Variants in CSMD1 observed in about 807,000 individuals in gnomAD.
CSMD1 encodes CUB and Sushi multiple domains 1, also known as CUB and sushi domain-containing protein 1.
Under a neutral mutation model 417.5 loss-of-function variants are expected in CSMD1, and 213 were observed. That is an observed-to-expected ratio of 0.51 (90% CI 0.46 to 0.57). The LOEUF is 0.57. Ranked by LOEUF, CSMD1 falls within the 20% of genes least tolerant of loss-of-function variation. CSMD1 has a pLI of 0.00. For synonymous variants in CSMD1, 2,862 were observed against 1,736.8 expected (o/e 1.65, Z -16.11); for missense variants, 6,923 against 4,529.7 (o/e 1.53, Z -15.17).
At chr8:4,620,619 G>A (rs763055975) in intron 2 of CSMD1, among the ~76,000 whole-genome samples, 13 of 151,760 alleles carry the variant, frequency 8.6e-5, no homozygotes, top group African/African-American at 1.9e-4. Flanking sequence ...TGCTTGAAAA[G>A]CCCAAATATA....
chr8:4,163,400 T>A (rs1310764598), intron 3 of CSMD1, among the ~76,000 whole-genome samples: 3 of 152,186 alleles, frequency 2.0e-5, no homozygotes, highest in Non-Finnish European at 4.4e-5. Context: ...CAATCTACAT[T>A]GTTGGTGTTA....
At chr8:4,341,813 T>A (rs1800493812) in intron 3 of CSMD1, among the ~76,000 whole-genome samples, 4 of 152,120 alleles carry the variant, frequency 2.6e-5, no homozygotes, top group Admixed American at 2.6e-4. Context: ...TCACATGACT[T>A]AACGAGCACA....
chr8:3,719,763 G>A (rs1279425619), intron 6 of CSMD1, among the ~76,000 whole-genome samples: 2 of 152,126 alleles, frequency 1.3e-5, no homozygotes, highest in Non-Finnish European at 2.9e-5. Context: ...CATTCCTCCT[G>A]TGTGGAAGGC....
In CSMD1 at chr8:4,829,559, T is replaced by C. The variant is rs111940193; in HGVS notation, c.85+164773A>G. Reference sequence around the variant, plus strand: ...GAGTTCAAGAGCAGTCTGGGCAACATGGCAACCTCATCTTTATAGAAAATT... The same window carrying C: ...GAGTTCAAGAGCAGTCTGGGCAACACGGCAACCTCATCTTTATAGAAAATT... On this transcript the variant is annotated intron_variant, in intron 1 of 69. Transcript: ENST00000635120. 5.4e-3 allele frequency among the ~76,000 whole-genome samples: 822 copies of C among 152,072 alleles called. 3 individuals are homozygous for C. The highest frequency in any genetic ancestry group is 8.7e-3 in the Non-Finnish European group (588 of 67,976).
chr8:4,735,697 ATCT>A lies in CSMD1; in HGVS notation c.86-98142_86-98140del, dbSNP rs567667086. 1.7e-4 allele frequency among the ~76,000 whole-genome samples: 26 copies of A among 152,276 alleles called. 1 individual carries two copies. The East Asian group carries it at 2.9e-3, about 17-fold the overall frequency. On this transcript the variant is annotated intron_variant, in intron 1 of 69. Transcript: ENST00000635120. Reference sequence around the variant, plus strand: ...CCAGACACTTATTTGAACACTTGACATCTTCTTGCTTTTATCTCCCTAATATCT... The same window carrying A: ...CCAGACACTTATTTGAACACTTGACATCTTGCTTTTATCTCCCTAATATCT...
chr8:2,955,149 A>G (rs963565095), intron 64 of CSMD1, among the ~76,000 whole-genome samples: 1 of 152,254 alleles, frequency 6.6e-6, no homozygotes, highest in African/African-American at 2.4e-5. Context: ...AGGTTTTACC[A>G]CAAACAGCAT....
At chr8:4,227,546 G>T (rs1055560688) in intron 3 of CSMD1, among the ~76,000 whole-genome samples, 3 of 152,046 alleles carry the variant, frequency 2.0e-5, no homozygotes, top group Non-Finnish European at 2.9e-5. Context: ...AGAAGCAGGG[G>T]TGCCAGGAAG....
chr8:4,253,106 A>G lies in CSMD1; in HGVS notation c.415+166847T>C, dbSNP rs142507104. 5.2e-3 allele frequency among the ~76,000 whole-genome samples: 796 copies of G among 152,370 alleles called. 5 individuals carry two copies. Among genetic ancestry groups the G allele is most frequent in the Non-Finnish European group, 6.9e-3 (470 of 68,034 alleles). ...AAAGATTCTGGCAAAATCTAGGATT[A>G]TCTGTGGAACTGGATGGATATTGAA... On this transcript the variant is annotated intron_variant, in intron 3 of 69. Coordinates refer to ENST00000635120, the MANE Select transcript of CSMD1 (RefSeq NM_033225.6).
intron 23 of CSMD1, among the ~76,000 whole-genome samples, chr8:3,323,598 T>C (rs185739024): frequency 6.6e-6 from 1 of 152,170 alleles, no homozygotes; most frequent in Non-Finnish European, 1.5e-5. Context: ...TTAAAAAAAT[T>C]TTATAGCATT....
rs145885698 is a variant in CSMD1, at chr8:3,054,506, T to C, written c.7475-1859A>G. On this transcript the variant is annotated intron_variant, in intron 49 of 69. Coordinates refer to ENST00000635120, the MANE Select transcript of CSMD1 (RefSeq NM_033225.6). ...GGTGGCACACACCTGTTGTCCCAGC[T>C]ACTCAGGAGGCTGAGGTGGATGGAC... Among the ~76,000 whole-genome samples the C allele has an allele frequency of 3.4e-3, 524 of 152,280 alleles. 3 individuals carry two copies. Among genetic ancestry groups the C allele is most frequent in the Middle Eastern group, 0.017 (5 of 294 alleles).
intron 47 of CSMD1, among the ~76,000 whole-genome samples, chr8:3,095,856 C>T (rs1815258160): frequency 6.6e-6 from 1 of 152,138 alleles, no homozygotes. Flanking sequence ...AATCATATCA[C>T]TGTTAAAATT....
intron 10 of CSMD1, among the ~76,000 whole-genome samples, chr8:3,573,954 G>A (rs1800044086): frequency 6.6e-6 from 1 of 151,410 alleles, no homozygotes; most frequent in Admixed American, 6.6e-5. Context: ...CATCTATATT[G>A]AACTTAAAAG....
chr8:4,373,582 T>A (rs1256806899), intron 3 of CSMD1, among the ~76,000 whole-genome samples: 1 of 152,246 alleles, frequency 6.6e-6, no homozygotes, highest in Non-Finnish European at 1.5e-5. Context: ...TTTCATCTTA[T>A]TTAATTTTCC....
chr8:4,011,341 A>T (rs1188028902), intron 4 of CSMD1, among the ~76,000 whole-genome samples: 4 of 152,176 alleles, frequency 2.6e-5, no homozygotes, highest in Admixed American at 2.6e-4. Flanking sequence ...CCCCCATTCA[A>T]AAACAATGTT....
At chr8:3,868,751 C>G (rs1170897537) in intron 5 of CSMD1, among the ~76,000 whole-genome samples, 1 of 152,188 alleles carries the variant, frequency 6.6e-6, no homozygotes, top group Admixed American at 6.5e-5. Flanking sequence ...CAACCCACAT[C>G]CAACACATCA....
chr8:3,162,240 G>T lies in CSMD1; in HGVS notation c.5763C>A (p.Pro1921=), dbSNP rs771369871. 6.2e-7 allele frequency: 1 copy of T among 1,610,760 alleles called. No homozygotes were observed. The highest frequency in any genetic ancestry group is 1.1e-5 in the South Asian group (1 of 89,952). ...GLAACQEPAL[P]SNSIKIGDRY... is the part of the protein sequence containing the mutation. ...GATCTCCGATTTTGATGCTGTTGCT[G>T]GGGAGGGCTGGTTCTTGGCATGCAG... The change falls in exon 38 of 70, where the codon CCC becomes CCA. Residue 1921 remains proline (P), a synonymous_variant. Transcript: ENST00000635120.
At chr8:2,978,120 T>C (rs925828200) in intron 55 of CSMD1, among the ~76,000 whole-genome samples, 1 of 152,188 alleles carries the variant, frequency 6.6e-6, no homozygotes, top group African/African-American at 2.4e-5. Flanking sequence ...CACCATGGAC[T>C]GTACCAGGAA....
At position 4,436,954 on chromosome 8, in the gene CSMD1, G is replaced by C. The variant is rs985675381; in HGVS notation, c.303-16889C>G. On this transcript the variant is annotated intron_variant, in intron 2 of 69. Coordinates refer to ENST00000635120, the MANE Select transcript of CSMD1 (RefSeq NM_033225.6). ...TGAGGTTGCTTCCAAATCTTACCTA[G>C]AGTGTACAGTGCTGCAATTTGAATT... 2.0e-5 allele frequency among the ~76,000 whole-genome samples: 3 copies of C among 152,120 alleles called. 1 individual carries two copies. The South Asian group carries it at 6.2e-4, about 32-fold the overall frequency.
At chr8:3,193,018 T>A (rs926345658) in intron 33 of CSMD1, among the ~76,000 whole-genome samples, 1 of 152,194 alleles carries the variant, frequency 6.6e-6, no homozygotes, top group African/African-American at 2.4e-5. Context: ...TGCCAGTTTT[T>A]CTACTTACAC....
Sources: gnomAD v4.1 joint callset for allele counts (sites outside exome capture counted in the v4.1 genomes callset) on GRCh38, gnomAD v4.1.1 for gene constraint, MANE v1.5 for transcripts, NCBI Gene and HGNC (gene_info 2026-07-23, HGNC 2026-07-21) for gene names.